Variants in SHC3 observed in about 807,000 individuals in gnomAD.
SHC3 encodes SHC-transforming protein 3.
A neutral mutation model predicts 60.4 loss-of-function variants in SHC3; 15 were observed. The ratio of observed to expected loss-of-function variants is 0.25; its 90% CI spans 0.17 to 0.38. The LOEUF (loss-of-function observed/expected upper bound fraction) is 0.38, where lower values mean the gene tolerates loss of function less well. SHC3 is among the 10% of genes least tolerant of loss of function. The probability of loss-of-function intolerance (pLI) is 1.00; values close to 1 mark genes in which losing one functional copy is unlikely to be tolerated. For missense variants in SHC3, 677 were observed against 786.1 expected, an observed-to-expected ratio of 0.86 and a Z score of 1.66; for synonymous variants, 294 against 325.9, an observed-to-expected ratio of 0.90 and a Z score of 1.05.
chr9:89,176,928 C>T (rs1826949299), intron 1 of SHC3, among the ~76,000 whole-genome samples: 1 of 152,236 alleles, frequency 6.6e-6, no homozygotes, highest in South Asian at 2.1e-4. Flanking sequence ...AATTTTTACA[C>T]TGGAATCTGC....
intron 2 of SHC3, among the ~76,000 whole-genome samples, chr9:89,102,254 CTTT>C (rs989254208): frequency 6.6e-6 from 1 of 152,040 alleles, no homozygotes; most frequent in African/African-American, 2.4e-5. Flanking sequence ...TGGCATTGAT[CTTT>C]TTAAAAACCA....
intron 1 of SHC3, among the ~76,000 whole-genome samples, chr9:89,126,104 C>T (rs1264630610): frequency 1.3e-5 from 2 of 152,108 alleles, no homozygotes; most frequent in Admixed American, 6.6e-5. Context: ...CTAAAGAGAC[C>T]CCTAACCCAA....
intron 1 of SHC3, among the ~76,000 whole-genome samples, chr9:89,166,142 CAT>C (rs1338319681): frequency 6.6e-6 from 1 of 152,178 alleles, no homozygotes; most frequent in African/African-American, 2.4e-5. Flanking sequence ...CCTACACACA[CAT>C]GTCCCATCCA....
intron 1 of SHC3, among the ~76,000 whole-genome samples, chr9:89,133,712 G>C (rs984375976): frequency 3.3e-5 from 5 of 152,078 alleles, no homozygotes; most frequent in Non-Finnish European, 7.4e-5. Flanking sequence ...ATTGAACAAT[G>C]AGAACACTTG....
intron 2 of SHC3, among the ~76,000 whole-genome samples, chr9:89,085,096 A>G (rs988793254): frequency 6.6e-6 from 1 of 152,248 alleles, no homozygotes. Context: ...ATACAGGTGA[A>G]GTGAGCAAAC....
Position 89,043,384 on chromosome 9 carries a change from T to C in SHC3, c.1202-1200A>G, listed in dbSNP as rs565927690. Among the ~76,000 whole-genome samples, 16 of 152,354 alleles carry C rather than the reference T, an allele frequency of 1.1e-4. No individual in the cohort carries two copies. In the South Asian group the frequency reaches 1.7e-3, roughly 16 times the overall value. ...ACGCATCCTTGCTTAGTGACAGCTA[T>C]TTGCAGTTTACACCTTTGTGTACAT... is the stretch of plus-strand genomic sequence containing the variant. On this transcript the variant is annotated intron_variant, in intron 9 of 11. Transcript: ENST00000375835.
At chr9:89,130,889 G>A (rs1265463753) in intron 1 of SHC3, among the ~76,000 whole-genome samples, 20 of 151,916 alleles carry the variant, frequency 1.3e-4, no homozygotes, top group Admixed American at 6.6e-4. Flanking sequence ...CTAGCAGAAG[G>A]CAAGAAATAA....
At chr9:89,043,534 C>T (rs113047216) in intron 9 of SHC3, among the ~76,000 whole-genome samples, 7,447 of 152,258 alleles carry the variant, frequency 0.049, 243 homozygotes, top group South Asian at 0.12. Flanking sequence ...GGTGCTGAGC[C>T]GGGGCAGGAG....
chr9:89,115,237 T>C (rs138307432), intron 1 of SHC3, among the ~76,000 whole-genome samples: 1 of 152,264 alleles, frequency 6.6e-6, no homozygotes, highest in African/African-American at 2.4e-5. Context: ...CACAGATTTA[T>C]TGGAATGACA....
At chr9:89,071,116 T>A in intron 5 of SHC3, 83 bp downstream of exon 5, 1 of 1,324,676 alleles carries the variant, frequency 7.5e-7, no homozygotes, top group Non-Finnish European at 1.1e-6. Context: ...TTTTACAGTG[T>A]CTTGCAAGGC....
chr9:89,159,296 C>T (rs1191177953), intron 1 of SHC3, among the ~76,000 whole-genome samples: 1 of 152,204 alleles, frequency 6.6e-6, no homozygotes, highest in African/African-American at 2.4e-5. Context: ...AACTCAACCT[C>T]ATTCCTTACT....
At chr9:89,091,455 C>T (rs1436627814) in intron 2 of SHC3, among the ~76,000 whole-genome samples, 1 of 152,100 alleles carries the variant, frequency 6.6e-6, no homozygotes, top group Non-Finnish European at 1.5e-5. Context: ...TATCTTATTA[C>T]AGGTAAACTA....
chr9:89,015,098 G>T (rs1257355172), intron 11 of SHC3, among the ~76,000 whole-genome samples: 3 of 152,156 alleles, frequency 2.0e-5, no homozygotes, highest in African/African-American at 7.2e-5. Context: ...AGACTTCCCA[G>T]CATCTTTCTA....
At chr9:89,114,968 T>C (rs1183210557) in intron 1 of SHC3, among the ~76,000 whole-genome samples, 4 of 152,194 alleles carry the variant, frequency 2.6e-5, no homozygotes, top group African/African-American at 9.6e-5. Context: ...GCTATGTAAA[T>C]AGGCAACCAA....
At chr9:89,139,199 C>G (rs1278599065) in intron 1 of SHC3, among the ~76,000 whole-genome samples, 1 of 152,108 alleles carries the variant, frequency 6.6e-6, no homozygotes, top group Admixed American at 6.5e-5. Flanking sequence ...TTCTGAGCAG[C>G]AGTCAGAGAT....
At chr9:89,069,818 A>G (rs983559637) in intron 5 of SHC3, among the ~76,000 whole-genome samples, 1 of 152,242 alleles carries the variant, frequency 6.6e-6, no homozygotes, top group Non-Finnish European at 1.5e-5. Flanking sequence ...TCGTGGCCCA[A>G]TTGTACTGTC....
At chr9:89,156,495 C>T (rs1034603945) in intron 1 of SHC3, among the ~76,000 whole-genome samples, 8 of 151,952 alleles carry the variant, frequency 5.3e-5, no homozygotes, top group East Asian at 3.9e-4. Flanking sequence ...TTTTAATCTT[C>T]GGTGCATTCA....
At chr9:89,125,007 C>G (rs17054746) in intron 1 of SHC3, among the ~76,000 whole-genome samples, 1 of 151,974 alleles carries the variant, frequency 6.6e-6, no homozygotes, top group East Asian at 1.9e-4. Flanking sequence ...TAGTCATGCC[C>G]GAGAAAGTCA....
chr9:89,082,741 C>A (rs941186697), intron 2 of SHC3, among the ~76,000 whole-genome samples: 1 of 152,198 alleles, frequency 6.6e-6, no homozygotes, highest in Non-Finnish European at 1.5e-5. Flanking sequence ...GCCCCACGGA[C>A]CCCAGGCAAA....
Sources: gnomAD v4.1 joint callset for allele counts (sites outside exome capture counted in the v4.1 genomes callset) on GRCh38, gnomAD v4.1.1 for gene constraint, MANE v1.5 for transcripts, NCBI Gene and HGNC (gene_info 2026-07-23, HGNC 2026-07-21) for gene names.